Variants in ITK observed in about 807,000 individuals in gnomAD.
ITK encodes tyrosine-protein kinase ITK/TSK.
In ITK, 45 loss-of-function variants were observed where a neutral mutation model predicts 87.6. The observed-to-expected ratio is 0.51, with a 90% CI of 0.40 to 0.66. The LOEUF (loss-of-function observed/expected upper bound fraction) is 0.66, where lower values mean the gene tolerates loss of function less well. ITK is among the 30% of genes least tolerant of loss of function. ITK has a pLI of 0.00. For synonymous variants in ITK, 303 were observed against 273.6 expected (o/e 1.11, Z -1.06); for missense variants, 605 against 766.3 (o/e 0.79, Z 2.48).
chr5:157,201,392 G>C (rs892908119), intron 1 of ITK, among the ~76,000 whole-genome samples: 1 of 149,550 alleles, frequency 6.7e-6, no homozygotes, highest in Non-Finnish European at 1.5e-5. Context: ...CCACCTCCTG[G>C]GTTCAAGGGA....
At chr5:157,210,531 G>GTTT (rs11448931) in intron 2 of ITK, among the ~76,000 whole-genome samples, 128 of 147,338 alleles carry the variant, frequency 8.7e-4, no homozygotes, top group African/African-American at 2.9e-3. Context: ...CAATCTCTTG[G>GTTT]TTTTTTTTTT....
chr5:157,243,809 C>A lies in ITK; in HGVS notation c.1232+15C>A, dbSNP rs748421676. On this transcript the variant is annotated intron_variant, in intron 12 of 16. Transcript: ENST00000422843. ...GAAGTAATGATGTGAGTGCTCAGAA[C>A]AAGGATATGCAGAAACTCTGGGGGG... The A allele has an allele frequency of 1.2e-6, 2 of 1,611,162 alleles. No homozygotes were observed.
chr5:157,211,197 C>A (rs988415903), intron 2 of ITK, 90 bp from the exon 3 acceptor site: 12 of 1,059,274 alleles, frequency 1.1e-5, no homozygotes, highest in Non-Finnish European at 1.8e-5. Flanking sequence ...GATAAACACC[C>A]GAGACCCCAC....
At chr5:157,185,242 CT>C (rs796151659) in intron 1 of ITK, among the ~76,000 whole-genome samples, 543 of 141,348 alleles carry the variant, frequency 3.8e-3, no homozygotes, top group Admixed American at 5.7e-3. Context: ...AAAAAGCTAT[CT>C]TTTTTTTTTT....
At chr5:157,231,123 T>C (rs1270877865) in intron 7 of ITK, among the ~76,000 whole-genome samples, 1 of 152,222 alleles carries the variant, frequency 6.6e-6, no homozygotes, top group East Asian at 1.9e-4. Flanking sequence ...CATGGGTTGG[T>C]AAATTGAATG....
In ITK at chr5:157,239,789, T is replaced by G. The variant is rs30118; in HGVS notation, c.852-273T>G. On this transcript the variant is annotated intron_variant, in intron 9 of 16. Transcript: ENST00000422843. ...GCAAGGCAAACACATAGCAAATATT[T>G]CCATTCCCTCATTTTGTGGCAATGG... Among the ~76,000 whole-genome samples the G allele has an allele frequency of 0.51, 77,594 of 152,008 alleles. 22,035 individuals are homozygous for G. The highest frequency in any genetic ancestry group is 0.95 in the East Asian group (4,896 of 5,176).
At chr5:157,223,271 T>TA (rs990067640) in intron 6 of ITK, among the ~76,000 whole-genome samples, 3 of 152,168 alleles carry the variant, frequency 2.0e-5, no homozygotes, top group East Asian at 3.9e-4. Context: ...CAAACTCATC[T>TA]AAAAAACCCC....
At chr5:157,186,198 A>G (rs916514368) in intron 1 of ITK, among the ~76,000 whole-genome samples, 1 of 152,176 alleles carries the variant, frequency 6.6e-6, no homozygotes, top group African/African-American at 2.4e-5. Context: ...ACAGTATGCA[A>G]TACATTCTTG....
chr5:157,215,522 A>G (rs540225309), intron 4 of ITK, among the ~76,000 whole-genome samples: 1 of 152,352 alleles, frequency 6.6e-6, no homozygotes, highest in Admixed American at 6.5e-5. Context: ...GTGATCCTAC[A>G]CATTAGTCCT....
At position 157,245,830 on chromosome 5, in the gene ITK, G is replaced by A. The variant is rs1755009539; in HGVS notation, c.1514+40G>A. The A allele has an allele frequency of 2.5e-6, 4 of 1,605,776 alleles. No homozygotes were observed. In the African/African-American group the frequency reaches 5.3e-5, roughly 21 times the overall value. ...TGGTGCCGGTGAAGTCTCAGGAATG[G>A]GACTGAGGCCCCCGGAACATTCTGA... On this transcript the variant is annotated intron_variant, in intron 14 of 16. Transcript: ENST00000422843.
intron 1 of ITK, among the ~76,000 whole-genome samples, chr5:157,181,420 A>T (rs1753512808): frequency 6.6e-6 from 1 of 152,204 alleles, no homozygotes; most frequent in Non-Finnish European, 1.5e-5. Flanking sequence ...AAGTATTATG[A>T]TTCGATAAAA....
At chr5:157,233,264 T>C (rs566607866) in intron 8 of ITK, among the ~76,000 whole-genome samples, 9 of 152,308 alleles carry the variant, frequency 5.9e-5, no homozygotes, top group African/African-American at 1.9e-4. Flanking sequence ...CCTTGTCCTG[T>C]GACCAACACA....
At chr5:157,238,359 G>A (rs1279140915) in intron 9 of ITK, among the ~76,000 whole-genome samples, 168 bp downstream of exon 9, 1 of 152,184 alleles carries the variant, frequency 6.6e-6, no homozygotes, top group African/African-American at 2.4e-5. Flanking sequence ...ATCAAGGATA[G>A]AACTTAAGAG....
rs187804261 is a variant in ITK at position 157,190,245 on chromosome 5, T to C, written c.138+9130T>C. On this transcript the variant is annotated intron_variant, in intron 1 of 16. Coordinates refer to ENST00000422843, the MANE Select transcript of ITK (RefSeq NM_005546.4). ...AAAAGTCACAGAAATTATAACTGTT[T>C]GTTATAAAAATTCAACTATAGGGAT... is the stretch of plus-strand genomic sequence containing the variant. Among the ~76,000 whole-genome samples the C allele has an allele frequency of 1.8e-4, 28 of 152,344 alleles. No homozygotes were observed. In the East Asian group the frequency reaches 3.7e-3, roughly 20 times the overall value.
At position 157,222,887 on chromosome 5, in the gene ITK, A is replaced by T; in HGVS notation, c.520A>T (p.Thr174Ser). ...GCGACCACTTTGGGAACCTGAAGAA[A>T]CTGTGGTCATTGCCTTATATGACTA... ...NRRPLWEPEE[T>S]VVIALYDYQT... Residue 174 changes from threonine to serine, a missense_variant, in exon 6 of 17, where the codon ACT becomes TCT. Physicochemically the swap from Thr to Ser is moderately conservative, Grantham distance 58. Around this residue, in one of 3 missense-constraint regions of ITK, gnomAD observed 464 missense variants for 578.0 expected, o/e 0.80. Coordinates refer to ENST00000422843, the MANE Select transcript of ITK (RefSeq NM_005546.4). 6.2e-7 allele frequency: 1 copy of T among 1,614,054 alleles called. No individual in the cohort carries two copies. The highest frequency in any genetic ancestry group is 1.1e-5 in the South Asian group (1 of 91,072).
At chr5:157,205,981 T>G (rs1468435165) in intron 1 of ITK, among the ~76,000 whole-genome samples, 2 of 149,278 alleles carry the variant, frequency 1.3e-5, no homozygotes, top group African/African-American at 5.0e-5. Flanking sequence ...TAGCCTTTTT[T>G]TTTTTTTTTT....
chr5:157,215,441 C>T (rs372901669), intron 4 of ITK, among the ~76,000 whole-genome samples: 1 of 152,124 alleles, frequency 6.6e-6, no homozygotes, highest in Admixed American at 6.5e-5. Context: ...GAAAAAAGCT[C>T]TTAGACATAA....
Position 157,241,645 on chromosome 5 carries a change from G to A in ITK, c.986-1G>A. ...GCTTCTTGGCTTTTCAATCAACCCA[G>A]GCCTGGTGACTCGACTCCGGTATCC... is the stretch of plus-strand genomic sequence containing the variant. On this transcript the variant is annotated splice_acceptor_variant, in intron 10 of 16. Coordinates refer to ENST00000422843, the MANE Select transcript of ITK (RefSeq NM_005546.4). LOFTEE classifies it high-confidence loss of function. 6.2e-7 allele frequency: 1 copy of A among 1,613,346 alleles called. No individual in the cohort carries two copies. Among genetic ancestry groups the A allele is most frequent in the Non-Finnish European group, 8.5e-7 (1 of 1,179,368 alleles).
chr5:157,205,037 A>G (rs1465245828), intron 1 of ITK, among the ~76,000 whole-genome samples: 3 of 152,222 alleles, frequency 2.0e-5, no homozygotes, highest in African/African-American at 4.8e-5. Flanking sequence ...GTCCCTGGAT[A>G]TCAACCAAGC....
Sources: gnomAD v4.1 joint callset for allele counts (sites outside exome capture counted in the v4.1 genomes callset) on GRCh38, gnomAD v4.1.1 for gene constraint, gnomAD v4.1.1 regional missense constraint, MANE v1.5 for transcripts, NCBI Gene and HGNC (gene_info 2026-07-23, HGNC 2026-07-21) for gene names.